The following ZNF804B variants were observed in gnomAD, a reference collection of about 807,000 sequenced individuals.
The protein encoded by ZNF804B is zinc finger protein 804B, also known as zinc finger 804B.
Under a neutral mutation model 101.4 loss-of-function variants are expected in ZNF804B, and 80 were observed. That is an observed-to-expected ratio of 0.79 (90% confidence interval 0.66 to 0.95). The LOEUF is 0.95. ZNF804B is among the 40% of genes least tolerant of loss of function. The probability of loss-of-function intolerance (pLI) is 0.00; values close to 1 mark genes in which losing one functional copy is unlikely to be tolerated. For missense variants in ZNF804B, 1,673 were observed against 1,561.9 expected (o/e 1.07, Z -1.20); for synonymous variants, 622 against 558.8 (o/e 1.11, Z -1.59).
At chr7:89,193,533 A>T (rs528013603) in intron 1 of ZNF804B, among the ~76,000 whole-genome samples, 1 of 139,118 alleles carries the variant, frequency 7.2e-6, no homozygotes, top group South Asian at 2.3e-4. Context: ...TCATTGTTCA[A>T]TTCCCACCTA....
At chr7:88,811,802 A>T (rs1034333831) in intron 1 of ZNF804B, among the ~76,000 whole-genome samples, 3 of 151,994 alleles carry the variant, frequency 2.0e-5, no homozygotes, top group Non-Finnish European at 4.4e-5. Context: ...AAGGGGAATA[A>T]CACACACTAG....
intron 1 of ZNF804B, among the ~76,000 whole-genome samples, chr7:88,821,790 G>A (rs751516789): frequency 1.6e-4 from 25 of 152,172 alleles, no homozygotes; most frequent in Non-Finnish European, 3.1e-4. Context: ...TTCAGCTCAC[G>A]TAACATAGTT....
At chr7:89,098,124 A>G (rs1046206133) in intron 1 of ZNF804B, among the ~76,000 whole-genome samples, 10 of 151,984 alleles carry the variant, frequency 6.6e-5, no homozygotes, top group Non-Finnish European at 1.5e-4. Context: ...TGATGGGGAG[A>G]CTAGGAAGTT....
chr7:89,308,503 TAGA>T (rs1562942129), intron 2 of ZNF804B, among the ~76,000 whole-genome samples: 1 of 152,226 alleles, frequency 6.6e-6, no homozygotes, highest in Non-Finnish European at 1.5e-5. Flanking sequence ...TTTTGCATTC[TAGA>T]GACTCAAATA....
chr7:89,133,273 C>T (rs1790579474), intron 1 of ZNF804B, among the ~76,000 whole-genome samples: 1 of 151,988 alleles, frequency 6.6e-6, no homozygotes, highest in Non-Finnish European at 1.5e-5. Context: ...ATTTTTCACA[C>T]TAATTTTCAA....
chr7:88,868,185 G>T (rs945339668), intron 1 of ZNF804B, among the ~76,000 whole-genome samples: 1 of 151,694 alleles, frequency 6.6e-6, no homozygotes, highest in Non-Finnish European at 1.5e-5. Flanking sequence ...CATAGCTTTG[G>T]TAAATGACTT....
intron 2 of ZNF804B, among the ~76,000 whole-genome samples, chr7:89,289,039 A>G (rs553086706): frequency 1.9e-4 from 29 of 152,362 alleles, no homozygotes; most frequent in Non-Finnish European, 3.8e-4. Flanking sequence ...TTAAGAGTGC[A>G]TACTTTAATC....
chr7:89,053,168 A>G (rs1789235724), intron 1 of ZNF804B, among the ~76,000 whole-genome samples: 1 of 152,176 alleles, frequency 6.6e-6, no homozygotes, highest in South Asian at 2.1e-4. Context: ...TGATTTCTAT[A>G]GTAAAGCTGT....
chr7:88,809,442 C>A (rs1790748046), intron 1 of ZNF804B, among the ~76,000 whole-genome samples: 1 of 152,062 alleles, frequency 6.6e-6, no homozygotes, highest in Admixed American at 6.6e-5. Context: ...TACCTTCCTT[C>A]TGAGCTATTT....
chr7:89,243,465 T>C (rs2115768686), intron 2 of ZNF804B, among the ~76,000 whole-genome samples: 1 of 151,922 alleles, frequency 6.6e-6, no homozygotes, highest in South Asian at 2.1e-4. Flanking sequence ...AAGAACCAAA[T>C]AGTTTTTAAT....
At chr7:88,854,468 T>TTTCTTTCG (rs1791511877) in intron 1 of ZNF804B, among the ~76,000 whole-genome samples, 6 of 103,714 alleles carry the variant, frequency 5.8e-5, no homozygotes, top group Admixed American at 5.1e-4. Flanking sequence ...TCTTTCTTTC[T>TTTCTTTCG]TTCTTTCTCT....
intron 2 of ZNF804B, among the ~76,000 whole-genome samples, chr7:89,310,121 C>T (rs971676574): frequency 6.6e-6 from 1 of 151,378 alleles, no homozygotes. Context: ...TTGCTCTGAG[C>T]CCTTCTTCCT....
chr7:89,014,878 T>TTTTTATCACCTGTTTTGTTTTG (rs1788521393), intron 1 of ZNF804B, among the ~76,000 whole-genome samples: 1 of 152,222 alleles, frequency 6.6e-6, no homozygotes, highest in Admixed American at 6.5e-5. Flanking sequence ...CTTGTTTTTG[T>TTTTTATCACCTGTTTTGTTTTG]TTTTATCACC....
At chr7:88,995,685 A>G (rs1436580721) in intron 1 of ZNF804B, among the ~76,000 whole-genome samples, 2 of 152,012 alleles carry the variant, frequency 1.3e-5, no homozygotes, top group African/African-American at 4.8e-5. Context: ...CCTCCTTCCA[A>G]AGAGTGCTGT....
rs142051800 is a variant in ZNF804B, at chr7:88,793,664, A to C, written c.108+33580A>C. Among the ~76,000 whole-genome samples the C allele has an allele frequency of 8.4e-3, 1,281 of 152,172 alleles. 11 individuals carry two copies. Among genetic ancestry groups the C allele is most frequent in the Admixed American group, 0.013 (200 of 15,262 alleles). ...TACTTGTGCTCTCAAAGCCCTTCCT[A>C]TATACTGCTACTATAATGATATATT... is the stretch of plus-strand genomic sequence containing the variant. On this transcript the variant is annotated intron_variant, in intron 1 of 3. Coordinates refer to ENST00000333190, the MANE Select transcript of ZNF804B (RefSeq NM_181646.5).
chr7:89,047,115 A>G (rs1316603676), intron 1 of ZNF804B, among the ~76,000 whole-genome samples: 1 of 152,092 alleles, frequency 6.6e-6, no homozygotes, highest in Non-Finnish European at 1.5e-5. Context: ...GGATTATGTC[A>G]CTTTACCATA....
At chr7:89,082,675 T>C (rs796377983) in intron 1 of ZNF804B, among the ~76,000 whole-genome samples, 9 of 151,892 alleles carry the variant, frequency 5.9e-5, no homozygotes, top group African/African-American at 2.2e-4. Context: ...ACCATTATTC[T>C]CCTTCTTATT....
rs1791505861 is a variant in ZNF804B, at chr7:88,854,430, T to TTTCTTTCTTTCTTC, written c.108+94346_108+94347insTTCTTTCTTTCTTC. On this transcript the variant is annotated intron_variant, in intron 1 of 3. Transcript: ENST00000333190. ...TTCTTTCTTCCTTTCTTTCTTTCTT[T>TTTCTTTCTTTCTTC]CTTTCTTTCTTTCTTTCTTTCTTTC... Among the ~76,000 whole-genome samples, 12 of 87,930 alleles carry TTTCTTTCTTTCTTC rather than the reference T, an allele frequency of 1.4e-4. 1 individual carries two copies. The highest frequency in any genetic ancestry group is 5.7e-4 in the African/African-American group (11 of 19,286). The allele number at this position is 87,930 out of a possible 152,430, so 57.7% of individuals were successfully genotyped here. A position where few individuals can be genotyped will look rare whatever the true frequency, so the allele number is the denominator to read the frequency against.
intron 1 of ZNF804B, among the ~76,000 whole-genome samples, chr7:88,824,311 T>C (rs1791025654): frequency 6.6e-6 from 1 of 152,096 alleles, no homozygotes; most frequent in Non-Finnish European, 1.5e-5. Flanking sequence ...ATGCTGTTCT[T>C]GTGTTCTTGT....
Sources: allele counts gnomAD v4.1 joint callset (sites outside exome capture counted in the v4.1 genomes callset), GRCh38; gene constraint gnomAD v4.1.1; transcripts MANE v1.5; gene names NCBI Gene and HGNC (gene_info 2026-07-23, HGNC 2026-07-21).